The following CPT1C variants were observed in gnomAD, a reference collection of about 807,000 sequenced individuals.
CPT1C encodes the protein carnitine palmitoyltransferase 1C.
In CPT1C, 61 loss-of-function variants were observed where a neutral mutation model predicts 97.3. The observed-to-expected ratio is 0.63, with a 90% CI of 0.51 to 0.78. The LOEUF (loss-of-function observed/expected upper bound fraction) is 0.78. Ranked by LOEUF, CPT1C falls within the 30% of genes least tolerant of loss-of-function variation. The pLI is 0.00. For synonymous variants in CPT1C, 469 were observed against 447.2 expected (o/e 1.05, Z -0.61); for missense variants, 975 against 1,065.5 (o/e 0.92, Z 1.18).
intron 5 of CPT1C, among the ~76,000 whole-genome samples, 184 bp from the exon 6 acceptor site, chr19:49,701,133 G>A (rs2083021053): frequency 7.7e-6 from 1 of 129,626 alleles, no homozygotes; most frequent in African/African-American, 3.0e-5. Flanking sequence ...CTGGGTCTCT[G>A]TCCCCCTCTC....
At chr19:49,709,091 C>A (rs1222711089) in intron 14 of CPT1C, among the ~76,000 whole-genome samples, 1 of 151,396 alleles carries the variant, frequency 6.6e-6, no homozygotes, top group African/African-American at 2.4e-5. Context: ...AACCCCATCT[C>A]TACCTGTTTC....
At chr19:49,701,977 A>T (rs59664702) in intron 7 of CPT1C, among the ~76,000 whole-genome samples, 3,179 of 72,202 alleles carry the variant, frequency 0.044, 298 homozygotes, top group East Asian at 0.13. Context: ...TAAATTTATA[A>T]ATAAATATAT....
In CPT1C at chr19:49,713,013, G is replaced by T. The variant is rs778601220; in HGVS notation, c.2175G>T (p.Gly725=). Residue 725 remains glycine (G), a synonymous_variant, in exon 19 of 20, where the codon GGG becomes GGT. Transcript: ENST00000598293. Reference sequence around the variant, plus strand: ...ATGGTGTTTCTTATATCTTCATGGGGGATGGCATGATCACCTTCCACATCT... The same window carrying T: ...ATGGTGTTTCTTATATCTTCATGGGTGATGGCATGATCACCTTCCACATCT... The part of the protein sequence containing the change: ...HGYGVSYIFM[G]DGMITFHISS... 2.5e-6 allele frequency: 4 copies of T among 1,613,952 alleles called. No homozygotes were observed. The African/African-American group carries it at 5.3e-5, about 22-fold the overall frequency.
At chr19:49,699,507 A>AT (rs1023660136) in intron 4 of CPT1C, among the ~76,000 whole-genome samples, 4 of 145,648 alleles carry the variant, frequency 2.7e-5, no homozygotes, top group Non-Finnish European at 6.0e-5. Flanking sequence ...GGAACGCTAG[A>AT]TTTACCCCCA....
chr19:49,707,399 A>G, intron 12 of CPT1C, 119 bp from the exon 13 acceptor site: 1 of 720,118 alleles, frequency 1.4e-6, no homozygotes. Context: ...TCCCCATACC[A>G]GCACCCCAAT....
At chr19:49,704,599 G>T in intron 7 of CPT1C, 111 bp from the exon 8 acceptor site, 1 of 780,628 alleles carries the variant, frequency 1.3e-6, no homozygotes, top group African/African-American at 1.7e-5. Context: ...TGACTTCTTT[G>T]GCTCTATCCT....
Position 49,701,364 on chromosome 19 carries a change from C to G in CPT1C, c.501C>G (p.Tyr167Ter). 1 of 1,613,660 alleles carries G rather than the reference C, an allele frequency of 6.2e-7. No individual in the cohort carries two copies. The highest frequency in any genetic ancestry group is 8.5e-7 in the Non-Finnish European group (1 of 1,179,954). ...GCCGCCACCCGATGCTGTTCAGTTA[C>G]CAGCGCTCCCTGCCACGCCAGCCCG... Reference protein sequence around the residue: ...FSGRHPMLFSYQRSLPRQPVP... With the variant: ...FSGRHPMLFS Residue 167 changes from tyrosine to a stop codon, truncating the protein, a stop_gained, in exon 6 of 20, where the codon TAC becomes TAG. Coordinates refer to ENST00000598293, the MANE Select transcript of CPT1C (RefSeq NM_001199753.2). LOFTEE classifies it high-confidence loss of function.
chr19:49,704,629 A>T, intron 7 of CPT1C, 81 bp from the exon 8 acceptor site: 1 of 1,081,420 alleles, frequency 9.2e-7, no homozygotes, highest in South Asian at 1.3e-5. Context: ...ACGCAGGAGC[A>T]TCTGGGGCCT....
intron 16 of CPT1C, chr19:49,711,387 G>A (rs896782913): frequency 1.8e-5 from 3 of 168,006 alleles, no homozygotes; most frequent in Admixed American, 5.9e-5. Context: ...GATTACAGGC[G>A]TGAGCCAATG....
intron 4 of CPT1C, among the ~76,000 whole-genome samples, chr19:49,698,835 A>G (rs1380091596): frequency 6.8e-6 from 1 of 147,292 alleles, no homozygotes; most frequent in African/African-American, 2.5e-5. Context: ...GGATGTGGTG[A>G]CTCACACCTG....
chr19:49,701,674 C>T (rs1360789532), intron 7 of CPT1C, 40 bp downstream of exon 7: 1 of 1,559,156 alleles, frequency 6.4e-7, no homozygotes, highest in South Asian at 1.2e-5. Flanking sequence ...ACCTGAAGGG[C>T]TAAGGTTGTG....
chr19:49,712,157 A>T, intron 17 of CPT1C, 196 bp downstream of exon 17: 1 of 611,416 alleles, frequency 1.6e-6, no homozygotes, highest in Non-Finnish European at 2.8e-6. Flanking sequence ...AGCCTGGCCA[A>T]CTTGGCGAAA....
rs79488403 is a variant in CPT1C, at chr19:49,712,793, C to A, written c.2077C>A (p.Leu693Met). 5.7e-3 allele frequency: 9,129 copies of A among 1,614,038 alleles called. 46 individuals carry two copies. Among genetic ancestry groups the A allele is most frequent in the Non-Finnish European group, 7.0e-3 (8,294 of 1,179,994 alleles). The change falls in exon 18 of 20, where the codon CTG becomes ATG. Residue 693 changes from leucine (L) to methionine (M), a missense_variant. Physicochemically the swap from Leu to Met is conservative, Grantham distance 15. Around this residue, in one of 3 missense-constraint regions of CPT1C, gnomAD observed 344 missense variants for 395.7 expected, o/e 0.87. Transcript: ENST00000598293. ...CCAGATCCCTGTTCAGCAAATGCAT[C>A]TGTTTGACGTCCACAATTACCCGGA... ...TSQIPVQQMH[L>M]FDVHNYPDYV...
intron 7 of CPT1C, among the ~76,000 whole-genome samples, chr19:49,702,493 G>A (rs956106853): frequency 6.6e-6 from 1 of 151,672 alleles, no homozygotes; most frequent in Non-Finnish European, 1.5e-5. Context: ...TGGCGCACAC[G>A]CCTATAATCC....
intron 16 of CPT1C, chr19:49,711,488 C>A: frequency 2.9e-6 from 1 of 349,902 alleles, no homozygotes; most frequent in Non-Finnish European, 5.3e-6. Context: ...TGTACCCTCT[C>A]TGCCCAGATC....
At chr19:49,703,461 A>G (rs1385171570) in intron 7 of CPT1C, among the ~76,000 whole-genome samples, 1 of 149,172 alleles carries the variant, frequency 6.7e-6, no homozygotes, top group Non-Finnish European at 1.5e-5. Context: ...CGGCCTCCCA[A>G]AGTGTTGGGA....
chr19:49,706,931 C>T lies in CPT1C; in HGVS notation c.1343+518C>T, dbSNP rs2123430837. On this transcript the variant is annotated intron_variant, in intron 12 of 19. Transcript: ENST00000598293. The surrounding 1 kb of genome is among the most constrained non-coding windows in gnomAD (Gnocchi z 4.8). ...GGCCCCAGGGGGGTCCCGCTGACCT[C>T]CCAGCACCCCCAAAAGCCTTGAACC... Among the ~76,000 whole-genome samples, 2 of 152,290 alleles carry T rather than the reference C, an allele frequency of 1.3e-5. No homozygotes were observed. Among genetic ancestry groups the T allele is most frequent in the Middle Eastern group, 3.4e-3 (1 of 294 alleles).
intron 17 of CPT1C, 37 bp from the exon 18 acceptor site, chr19:49,712,699 T>A: frequency 3.4e-6 from 5 of 1,464,388 alleles, no homozygotes; most frequent in Non-Finnish European, 4.8e-6. Context: ...GAACTGCAGA[T>A]CTCTGTCCTG....
chr19:49,703,570 TCC>T (rs2083320662), intron 7 of CPT1C, among the ~76,000 whole-genome samples: 1 of 56,188 alleles, frequency 1.8e-5, no homozygotes, highest in Non-Finnish European at 3.0e-5. Flanking sequence ...CTCTCCTCCC[TCC>T]CTCCCTCCCT....
Sources: allele counts gnomAD v4.1 joint callset (sites outside exome capture counted in the v4.1 genomes callset), GRCh38; gene constraint gnomAD v4.1.1; regional missense constraint gnomAD v4.1.1; non-coding constraint Gnocchi (gnomAD v3.1); transcripts MANE v1.5; gene names NCBI Gene and HGNC (gene_info 2026-07-23, HGNC 2026-07-21).